Variants in ATIC observed in about 807,000 individuals in gnomAD.
ATIC encodes the protein 5-aminoimidazole-4-carboxamide ribonucleotide formyltransferase/IMP cyclohydrolase.
In ATIC, 64 loss-of-function variants were observed where a neutral mutation model predicts 72.5. The observed-to-expected ratio is 0.88, with a 90% CI of 0.72 to 1.09. The LOEUF (loss-of-function observed/expected upper bound fraction) is 1.09. ATIC is among the 50% of genes least tolerant of loss of function. The pLI is 0.00. For missense variants in ATIC, 787 were observed against 732.4 expected, an observed-to-expected ratio of 1.07 and a Z score of -0.86; for synonymous variants, 281 against 267.1, an observed-to-expected ratio of 1.05 and a Z score of -0.51.
intron 4 of ATIC, among the ~76,000 whole-genome samples, chr2:215,324,234 A>G (rs1222506440): frequency 1.3e-5 from 2 of 152,154 alleles, no homozygotes; most frequent in Non-Finnish European, 2.9e-5. Flanking sequence ...CAAGTATTTT[A>G]GTCTTTCACC....
Position 215,349,193 on chromosome 2 carries a change from T to C in ATIC, c.1603T>C (p.Ser535Pro), listed in dbSNP as rs201739751. 1 of 1,614,168 alleles carries C rather than the reference T, an allele frequency of 6.2e-7. No homozygotes were observed. The highest frequency in any genetic ancestry group is 1.7e-5 in the Admixed American group (1 of 60,018). Residue 535 changes from serine (S) to proline (P), a missense_variant, in exon 15 of 16, where the codon TCT becomes CCT. Coordinates refer to ENST00000236959, the MANE Select transcript of ATIC (RefSeq NM_004044.7). ...ATGGGTTGAGAAACTGACTGAAGTT[T>C]CTATCAGCTCTGATGCCTTCTTCCC... Reference protein sequence around the residue: ...KEWVEKLTEVSISSDAFFPFR... With the variant: ...KEWVEKLTEVPISSDAFFPFR...
At chr2:215,336,978 A>C (rs896288842) in intron 11 of ATIC, among the ~76,000 whole-genome samples, 1 of 152,202 alleles carries the variant, frequency 6.6e-6, no homozygotes, top group Non-Finnish European at 1.5e-5. Context: ...TGTAGTTTTA[A>C]CATTGTGTGT....
the ATIC span, chr2:215,367,552 G>T: frequency 2.6e-6 from 1 of 391,476 alleles, no homozygotes; most frequent in Non-Finnish European, 4.9e-6. Flanking sequence ...CTCTTAAATA[G>T]ACCTGGTTCC....
rs997076259 is a variant in ATIC at position 215,349,549 on chromosome 2, A to G, written c.1673A>G (p.Tyr558Cys). Residue 558 changes from tyrosine (Y) to cysteine (C), a missense_variant, in exon 16 of 16, where the codon TAC (tyrosine) becomes TGC (cysteine). Coordinates refer to ENST00000236959, the MANE Select transcript of ATIC (RefSeq NM_004044.7). ...TACTTCCCCCAGAGTGGTGTGGCGTACATTGCGGCTCCCTCCGGTTCTGCT... is the reference window on the plus strand; with the variant it reads ...TACTTCCCCCAGAGTGGTGTGGCGTGCATTGCGGCTCCCTCCGGTTCTGCT... ...VDRAKRSGVAYIAAPSGSAAD... is the reference protein window; with the variant it reads ...VDRAKRSGVACIAAPSGSAAD... 3.7e-6 allele frequency: 6 copies of G among 1,614,200 alleles called. No individual in the cohort carries two copies. Among genetic ancestry groups the G allele is most frequent in the Middle Eastern group, 1.6e-4 (1 of 6,062 alleles).
the ATIC span, among the ~76,000 whole-genome samples, chr2:215,367,094 T>C: frequency 2.0e-5 from 3 of 152,182 alleles, no homozygotes; most frequent in East Asian, 1.9e-4. Flanking sequence ...TGTATGTCTA[T>C]AGGAGGCTTA....
In ATIC at chr2:215,326,850, A is replaced by C; in HGVS notation, c.560A>C (p.Glu187Ala). 6.2e-7 allele frequency: 1 copy of C among 1,614,126 alleles called. No homozygotes were observed. The highest frequency in any genetic ancestry group is 8.5e-7 in the Non-Finnish European group (1 of 1,180,022). ...KAFTHTAQYD[E>A]AISDYFRKQY... Reference sequence around the variant, plus strand: ...TTCACTCATACGGCACAATATGATGAAGCAATTTCAGATTATTTCAGGAAA... The same window carrying C: ...TTCACTCATACGGCACAATATGATGCAGCAATTTCAGATTATTTCAGGAAA... Residue 187 changes from glutamate (E) to alanine (A), a missense_variant, in exon 7 of 16, where the codon GAA becomes GCA. Physicochemically the swap from Glu to Ala is moderately radical, Grantham distance 107. Coordinates refer to ENST00000236959, the MANE Select transcript of ATIC (RefSeq NM_004044.7).
downstream of ATIC, among the ~76,000 whole-genome samples, chr2:215,353,203 A>C (rs570401428): frequency 1.1e-4 from 16 of 152,286 alleles, no homozygotes; most frequent in Admixed American, 4.6e-4. Flanking sequence ...AATTATTGAT[A>C]CATTTGAGGC....
chr2:215,358,576 G>A, the ATIC span, among the ~76,000 whole-genome samples: 2 of 152,056 alleles, frequency 1.3e-5, no homozygotes, highest in Admixed American at 1.3e-4. Flanking sequence ...ATACAATGGG[G>A]TTTCCCCAAG....
At chr2:215,349,314 C>G (rs746129438) in intron 15 of ATIC, 65 bp downstream of exon 15, 2 of 1,608,682 alleles carry the variant, frequency 1.2e-6, no homozygotes, top group Non-Finnish European at 1.7e-6. Flanking sequence ...TTCAGAAATC[C>G]TGCTTTTGAT....
intron 15 of ATIC, 52 bp downstream of exon 15, chr2:215,349,301 T>A: frequency 6.2e-7 from 1 of 1,609,004 alleles, no homozygotes. Context: ...ATGTAGAAAC[T>A]GTTTCAGAAA....
In ATIC at chr2:215,335,975, T is replaced by A. The variant is rs761886729; in HGVS notation, c.1009-60T>A. 24 of 1,355,592 alleles carry A rather than the reference T, an allele frequency of 1.8e-5. No individual in the cohort carries two copies. The African/African-American group carries it at 3.1e-4, about 17-fold the overall frequency. The allele number at this position is 1,355,592 out of a possible 1,614,324, so 84.0% of individuals were successfully genotyped here. A position where few individuals can be genotyped will look rare whatever the true frequency, so the allele number is the denominator to read the frequency against. ...TTAAGACTGATAATTGCTGCTAGATTTTTTTAAGAGGTGTTCTCTGATTTT... is the reference window on the plus strand; with the variant it reads ...TTAAGACTGATAATTGCTGCTAGATATTTTTAAGAGGTGTTCTCTGATTTT... On this transcript the variant is annotated intron_variant, in intron 10 of 15. Coordinates refer to ENST00000236959, the MANE Select transcript of ATIC (RefSeq NM_004044.7).
chr2:215,343,493 C>T (rs1447286640), intron 12 of ATIC, among the ~76,000 whole-genome samples: 1 of 152,086 alleles, frequency 6.6e-6, no homozygotes, highest in Non-Finnish European at 1.5e-5. Context: ...TGCGCCACCA[C>T]ACCTGGCAAA....
At chr2:215,336,735 C>T (rs1479085620) in intron 11 of ATIC, among the ~76,000 whole-genome samples, 1 of 152,156 alleles carries the variant, frequency 6.6e-6, no homozygotes, top group Non-Finnish European at 1.5e-5. Flanking sequence ...TCTTTAGCTA[C>T]TACAAATACC....
intron 4 of ATIC, 119 bp from the exon 5 acceptor site, chr2:215,325,122 A>G (rs3772078): frequency 0.22 from 171,294 of 764,356 alleles, 21,233 homozygotes; most frequent in East Asian, 0.48. Context: ...CACAGTTTAT[A>G]TATTAGTTCT....
chr2:215,361,563 G>C, the ATIC span: 1 of 1,603,944 alleles, frequency 6.2e-7, no homozygotes, highest in Non-Finnish European at 8.5e-7. Flanking sequence ...ATTTACTCTC[G>C]GGAATCTTCT....
chr2:215,366,550 G>GT, the ATIC span, among the ~76,000 whole-genome samples: 7 of 152,180 alleles, frequency 4.6e-5, no homozygotes, highest in African/African-American at 1.7e-4. Context: ...AAAAGTCACA[G>GT]TTTTATGCCT....
chr2:215,318,019 G>T, intron 2 of ATIC, 138 bp from the exon 3 acceptor site: 2 of 761,252 alleles, frequency 2.6e-6, no homozygotes, highest in South Asian at 1.5e-5. Flanking sequence ...AAAATATAGT[G>T]AAATACTTTA....
At chr2:215,322,087 G>T (rs2052774190) in intron 4 of ATIC, among the ~76,000 whole-genome samples, 1 of 147,518 alleles carries the variant, frequency 6.8e-6, no homozygotes, top group African/African-American at 2.7e-5. Context: ...ATTTTTAATA[G>T]AGATAGGGTT....
rs201164747 is a variant in ATIC, at chr2:215,336,272, ATTAAC to A, written c.1098+151_1098+155del. On this transcript the variant is annotated intron_variant, in intron 11 of 15. Coordinates refer to ENST00000236959, the MANE Select transcript of ATIC (RefSeq NM_004044.7). The stretch of plus-strand genomic sequence containing the variant: ...CCAATCCTGCATTTAAAAAAATACT[ATTAAC>A]TTGGGGTTTTGAGATGAGAGTAGCT... 8.7e-6 allele frequency: 6 copies of A among 688,490 alleles called. No individual in the cohort carries two copies. In the East Asian group the frequency reaches 1.7e-4, roughly 19 times the overall value. 42.6% of individuals were successfully genotyped at this position (688,490 alleles called of 1,614,324 possible).
Sources: gnomAD v4.1 joint callset for allele counts (sites outside exome capture counted in the v4.1 genomes callset) on GRCh38, gnomAD v4.1.1 for gene constraint, MANE v1.5 for transcripts, NCBI Gene and HGNC (gene_info 2026-07-23, HGNC 2026-07-21) for gene names.